FOXL1: variants seen among roughly 807,000 people sequenced by gnomAD.
FOXL1 encodes the protein forkhead box L1, also known as forkhead box protein L1.
In FOXL1, 2 loss-of-function variants were observed where a neutral mutation model predicts 1.7. The ratio of observed to expected loss-of-function variants is 1.21; its 90% CI spans 0.49 to 3.80. FOXL1 has a LOEUF of 3.80. Among genes scored for constraint, FOXL1 ranks in the 30% most tolerant of loss-of-function variants. The pLI is 0.07. For synonymous variants in FOXL1, 280 were observed against 229.3 expected (o/e 1.22, Z -2.00); for missense variants, 565 against 495.8 (o/e 1.14, Z -1.32).
chr16:86,579,656 C>T lies in FOXL1; in HGVS notation c.933C>T (p.Ser311=). Reference sequence around the variant, plus strand: ...GCCTCCGTCCGCCTTTCAACGCTTCCCTGATGCTCGACCCGCATGTCCAGG... The same window carrying T: ...GCCTCCGTCCGCCTTTCAACGCTTCTCTGATGCTCGACCCGCATGTCCAGG... ...SSSLRPPFNA[S]LMLDPHVQGG... Residue 311 remains serine, a synonymous_variant, in exon 1 of 1, where the codon TCC becomes TCT. Coordinates refer to ENST00000320241, the MANE Select transcript of FOXL1 (RefSeq NM_005250.3). 3 of 1,613,860 alleles carry T rather than the reference C, an allele frequency of 1.9e-6. No homozygotes were observed. The highest frequency in any genetic ancestry group is 4.5e-5 in the East Asian group (2 of 44,870).
Position 86,578,777 on chromosome 16 carries a change from G to A in FOXL1, c.54G>A (p.Leu18=), listed in dbSNP as rs759986631. Residue 18 remains leucine (L), a synonymous_variant, in exon 1 of 1, where the codon CTG becomes CTA. Transcript: ENST00000320241. ...CTGCCCTGGCCGCCTCGCCCATGCT[G>A]TATCTGTACGGTCCCGAGAGACCCG... ...RLPALAASPM[L]YLYGPERPGL... 1.9e-6 allele frequency: 3 copies of A among 1,613,116 alleles called. No individual in the cohort carries two copies. In the Admixed American group the frequency reaches 5.0e-5, roughly 27 times the overall value.
Position 86,579,003 on chromosome 16 carries a change from C to T in FOXL1, c.280C>T (p.Gln94Ter). 1 of 1,614,084 alleles carries T rather than the reference C, an allele frequency of 6.2e-7. No homozygotes were observed. Among genetic ancestry groups the T allele is most frequent in the Non-Finnish European group, 8.5e-7 (1 of 1,179,982 alleles). The change falls in exon 1 of 1, where the codon CAG becomes TAG. Residue 94 changes from glutamine (Q) to a stop codon, truncating the protein, a stop_gained. Coordinates refer to ENST00000320241, the MANE Select transcript of FOXL1 (RefSeq NM_005250.3). LOFTEE classifies it low-confidence loss of function (END_TRUNC). ...CTACCACGACAACCGGCAGGGCTGG[C>T]AGAACAGCATCCGCCACAACCTCTC... The part of the protein sequence containing the change: ...PFYHDNRQGW[Q>*]NSIRHNLSLN...
At position 86,579,069 on chromosome 16, in the gene FOXL1, C is replaced by T. The variant is rs777342351; in HGVS notation, c.346C>T (p.Arg116Trp). ...CGTCAAGGTGCCCCGCGAGAAAGGG[C>T]GGCCGGGCAAGGGCAGCTACTGGAC... Reference protein sequence around the residue: ...CFVKVPREKGRPGKGSYWTLD... With the variant: ...CFVKVPREKGWPGKGSYWTLD... Residue 116 changes from arginine (R) to tryptophan (W), a missense_variant, in exon 1 of 1, where the codon CGG becomes TGG. By Grantham distance (101) the Arg-to-Trp change is moderately radical. Transcript: ENST00000320241. 9.3e-6 allele frequency: 15 copies of T among 1,614,022 alleles called. No homozygotes were observed. Among genetic ancestry groups the T allele is most frequent in the Admixed American group, 1.7e-5 (1 of 60,018 alleles).
chr16:86,579,837 G>T lies in FOXL1; in HGVS notation c.*76G>T. The stretch of plus-strand genomic sequence containing the variant: ...GCGAAAGGCCACAGCTCCCACCGGC[G>T]GAGGATTTTAAAATGATCTTTGCCT... On this transcript the variant is annotated 3_prime_UTR_variant, in exon 1 of 1. Transcript: ENST00000320241. The T allele has an allele frequency of 8.1e-6, 11 of 1,352,600 alleles. No individual in the cohort carries two copies. Among genetic ancestry groups the T allele is most frequent in the Non-Finnish European group, 1.1e-5 (11 of 966,778 alleles). The allele number at this position is 1,352,600 out of a possible 1,614,324, so 83.8% of individuals were successfully genotyped here.
In FOXL1 at chr16:86,581,553, T is replaced by C. The variant is rs1312362621; in HGVS notation, c.*1792T>C. 1.8e-5 allele frequency: 3 copies of C among 167,144 alleles called. No individual in the cohort carries two copies. The highest frequency in any genetic ancestry group is 7.2e-5 in the African/African-American group (3 of 41,458). 10.4% of individuals were successfully genotyped at this position (167,144 alleles called of 1,614,324 possible). On this transcript the variant is annotated 3_prime_UTR_variant, in exon 1 of 1. Transcript: ENST00000320241. Reference sequence around the variant, plus strand: ...CTGGGAAACTTCAGGCCAGCCTTGATTGGAAGAACTTCCAGGAGGAGCCAT... The same window carrying C: ...CTGGGAAACTTCAGGCCAGCCTTGACTGGAAGAACTTCCAGGAGGAGCCAT...
Position 86,579,247 on chromosome 16 carries a change from G to A in FOXL1, c.524G>A (p.Gly175Glu). Residue 175 changes from glycine (G) to glutamate (E), a missense_variant, in exon 1 of 1, where the codon GGG becomes GAG. By Grantham distance (98) the Gly-to-Glu change is moderately conservative. Transcript: ENST00000320241. Reference sequence around the variant, plus strand: ...GAGGCGCAGCCGGAGGCGGGGAGCGGGGCAGGGGGCTCGGGCCCCGCAATC... The same window carrying A: ...GAGGCGCAGCCGGAGGCGGGGAGCGAGGCAGGGGGCTCGGGCCCCGCAATC... ...SAEAQPEAGS[G>E]AGGSGPAISR... 2.0e-6 allele frequency: 3 copies of A among 1,467,494 alleles called. No individual in the cohort carries two copies. The highest frequency in any genetic ancestry group is 1.4e-5 in the South Asian group (1 of 71,930). The allele number at this position is 1,467,494 out of a possible 1,614,324, so 90.9% of individuals were successfully genotyped here. A position where few individuals can be genotyped will look rare whatever the true frequency, so the allele number is the denominator to read the frequency against.
chr16:86,579,767 A>G lies in FOXL1; in HGVS notation c.*6A>G, dbSNP rs1019884415. 2 of 1,609,392 alleles carry G rather than the reference A, an allele frequency of 1.2e-6. No homozygotes were observed. Among genetic ancestry groups the G allele is most frequent in the Non-Finnish European group, 1.7e-6 (2 of 1,176,728 alleles). ...CGGTACTCCACTTCCAGTAAAGCAA[A>G]CAATGGCACGGTTCTTCTCCCGGCC... On this transcript the variant is annotated 3_prime_UTR_variant, in exon 1 of 1. Transcript: ENST00000320241.
Position 86,579,206 on chromosome 16 carries a change from G to A in FOXL1, c.483G>A (p.Thr161=). The part of the protein sequence containing the change: ...APEAKRPRAE[T]HQRSAEAQPE... ...AGGCCAAGAGGCCCCGCGCCGAGAC[G>A]CACCAGCGCAGCGCGGAGGCGCAGC... The change falls in exon 1 of 1, where the codon ACG becomes ACA. Residue 161 remains threonine, a synonymous_variant. Transcript: ENST00000320241. The A allele has an allele frequency of 1.9e-6, 3 of 1,578,160 alleles. No homozygotes were observed. Among genetic ancestry groups the A allele is most frequent in the Non-Finnish European group, 1.7e-6 (2 of 1,163,638 alleles).
Position 86,579,735 on chromosome 16 carries a change from C to T in FOXL1, c.1012C>T (p.Pro338Ser). ...PFLSYFPLQV[P>S]DTVLHFQ ...CCTCTCTTATTTCCCCCTGCAGGTT[C>T]CCGACACGGTACTCCACTTCCAGTA... Residue 338 changes from proline to serine, a missense_variant, in exon 1 of 1, where the codon CCC (proline) becomes TCC (serine). By Grantham distance (74) the Pro-to-Ser change is moderately conservative. Coordinates refer to ENST00000320241, the MANE Select transcript of FOXL1 (RefSeq NM_005250.3). The T allele has an allele frequency of 6.2e-7, 1 of 1,613,522 alleles. No individual in the cohort carries two copies. The highest frequency in any genetic ancestry group is 1.1e-5 in the South Asian group (1 of 91,080).
rs760419773 is a variant in FOXL1 at position 86,579,455 on chromosome 16, G to C, written c.732G>C (p.Leu244=). ...CAGGGGACGGCCCGGGGTCCCCTCT[G>C]CGCCCCGCCTCCCGCAGCTCTCCGA... is the stretch of plus-strand genomic sequence containing the variant. ...ARTGDGPGSP[L]RPASRSSPKS... Residue 244 remains leucine (L), a synonymous_variant, in exon 1 of 1, where the codon CTG becomes CTC. Transcript: ENST00000320241. The C allele has an allele frequency of 6.4e-7, 1 of 1,553,762 alleles. No homozygotes were observed. Among genetic ancestry groups the C allele is most frequent in the South Asian group, 1.2e-5 (1 of 84,614 alleles).
In FOXL1 at chr16:86,579,053, G is replaced by T. The variant is rs1027894858; in HGVS notation, c.330G>T (p.Val110=). The change falls in exon 1 of 1, where the codon GTG becomes GTT. Residue 110 remains valine, a synonymous_variant. Transcript: ENST00000320241. ...CGCTCAACGACTGCTTCGTCAAGGT[G>T]CCCCGCGAGAAAGGGCGGCCGGGCA... ...NLSLNDCFVK[V]PREKGRPGKG... 6.2e-7 allele frequency: 1 copy of T among 1,614,104 alleles called. No homozygotes were observed. The highest frequency in any genetic ancestry group is 8.5e-7 in the Non-Finnish European group (1 of 1,179,974).
rs1377560894 is a variant in FOXL1 at position 86,579,135 on chromosome 16, T to C, written c.412T>C (p.Tyr138His). ...CCTGGACATGTTTGAGAACGGCAAC[T>C]ACCGGCGCCGGAAGAGGAAGCCCAA... is the stretch of plus-strand genomic sequence containing the variant. ...RCLDMFENGN[Y>H]RRRKRKPKPG... is the part of the protein sequence containing the mutation. The change falls in exon 1 of 1, where the codon TAC (tyrosine) becomes CAC (histidine). Residue 138 changes from tyrosine to histidine, a missense_variant. Transcript: ENST00000320241. 1 of 1,613,212 alleles carries C rather than the reference T, an allele frequency of 6.2e-7. No individual in the cohort carries two copies. The highest frequency in any genetic ancestry group is 8.5e-7 in the Non-Finnish European group (1 of 1,179,842).
In FOXL1 at chr16:86,582,636, TAC is replaced by T. The variant is rs1268869915; in HGVS notation, c.*2877_*2878del. Among the ~76,000 whole-genome samples the T allele has an allele frequency of 6.6e-6, 1 of 152,118 alleles. No individual in the cohort carries two copies. The highest frequency in any genetic ancestry group is 1.5e-5 in the Non-Finnish European group (1 of 68,028). ...ATGTACACGTTTATATATATGTATA[TAC>T]ATATATATACATGAATGTGTAGGGG... is the stretch of plus-strand genomic sequence containing the variant. On this transcript the variant is annotated 3_prime_UTR_variant, in exon 1 of 1. Coordinates refer to ENST00000320241, the MANE Select transcript of FOXL1 (RefSeq NM_005250.3).
In FOXL1 at chr16:86,583,167, G is replaced by T. The variant is rs1974433160; in HGVS notation, c.*3406G>T. ...GGTCTTCACCATTTCACTCAAAGTG[G>T]TGAGTGTATGCCCGTGTGTATGTTA... On this transcript the variant is annotated 3_prime_UTR_variant, in exon 1 of 1. Coordinates refer to ENST00000320241, the MANE Select transcript of FOXL1 (RefSeq NM_005250.3). 1.3e-5 allele frequency among the ~76,000 whole-genome samples: 2 copies of T among 151,698 alleles called. No homozygotes were observed. Among genetic ancestry groups the T allele is most frequent in the Admixed American group, 6.6e-5 (1 of 15,218 alleles).
At position 86,582,603 on chromosome 16, in the gene FOXL1, G is replaced by A. The variant is rs757734458; in HGVS notation, c.*2842G>A. ...AGGCACATGTTTGATAACAAAGTGTGTATACATATGTACACGTTTATATAT... is the reference window on the plus strand; with the variant it reads ...AGGCACATGTTTGATAACAAAGTGTATATACATATGTACACGTTTATATAT... On this transcript the variant is annotated 3_prime_UTR_variant, in exon 1 of 1. Transcript: ENST00000320241. Among the ~76,000 whole-genome samples, 4 of 151,988 alleles carry A rather than the reference G, an allele frequency of 2.6e-5. No individual in the cohort carries two copies. Among genetic ancestry groups the A allele is most frequent in the Non-Finnish European group, 4.4e-5 (3 of 68,008 alleles).
chr16:86,579,482 G>A lies in FOXL1; in HGVS notation c.759G>A (p.Lys253=). The A allele has an allele frequency of 6.4e-7, 1 of 1,573,794 alleles. No individual in the cohort carries two copies. Among genetic ancestry groups the A allele is most frequent in the Non-Finnish European group, 8.6e-7 (1 of 1,159,806 alleles). ...GCCCCGCCTCCCGCAGCTCTCCGAA[G>A]AGCTCCGACAAGTCCAAGAGCTTCA... is the stretch of plus-strand genomic sequence containing the variant. ...PLRPASRSSP[K]SSDKSKSFSI... The change falls in exon 1 of 1, where the codon AAG becomes AAA. Residue 253 remains lysine, a synonymous_variant. Transcript: ENST00000320241.
Position 86,579,575 on chromosome 16 carries a change from T to C in FOXL1, c.852T>C (p.Gly284=). Residue 284 remains glycine, a synonymous_variant, in exon 1 of 1, where the codon GGT becomes GGC. Coordinates refer to ENST00000320241, the MANE Select transcript of FOXL1 (RefSeq NM_005250.3). The part of the protein sequence containing the change: ...KPPSGDELLG[G]AKPGPGGRLG... ...CTTCAGGGGACGAACTCCTAGGGGG[T>C]GCCAAGCCTGGGCCCGGCGGCCGTC... is the stretch of plus-strand genomic sequence containing the variant. 1 of 1,612,740 alleles carries C rather than the reference T, an allele frequency of 6.2e-7. No individual in the cohort carries two copies. Among genetic ancestry groups the C allele is most frequent in the Non-Finnish European group, 8.5e-7 (1 of 1,179,710 alleles).
Position 86,580,551 on chromosome 16 carries a change from C to G in FOXL1, c.*790C>G, listed in dbSNP as rs1282922259. The G allele has an allele frequency of 6.0e-6, 1 of 166,706 alleles. No homozygotes were observed. Among genetic ancestry groups the G allele is most frequent in the Non-Finnish European group, 1.5e-5 (1 of 68,118 alleles). 10.3% of individuals were successfully genotyped at this position (166,706 alleles called of 1,614,324 possible). ...ACAATTTTTATTAAGAAAGTGCACT[C>G]TATATAACATCTTCTTGCATTACGA... On this transcript the variant is annotated 3_prime_UTR_variant, in exon 1 of 1. Transcript: ENST00000320241.
rs751122912 is a variant in FOXL1, at chr16:86,579,141, C to T, written c.418C>T (p.Arg140Cys). The stretch of plus-strand genomic sequence containing the variant: ...CATGTTTGAGAACGGCAACTACCGG[C>T]GCCGGAAGAGGAAGCCCAAGCCGGG... ...LDMFENGNYR[R>C]RKRKPKPGPG... The change falls in exon 1 of 1, where the codon CGC becomes TGC. Residue 140 changes from arginine (R) to cysteine (C), a missense_variant. Arg to Cys is a radical substitution (Grantham distance 180). Coordinates refer to ENST00000320241, the MANE Select transcript of FOXL1 (RefSeq NM_005250.3). 6.2e-7 allele frequency: 1 copy of T among 1,613,258 alleles called. No homozygotes were observed. The highest frequency in any genetic ancestry group is 1.1e-5 in the South Asian group (1 of 91,068).
Sources: allele counts gnomAD v4.1 joint callset (sites outside exome capture counted in the v4.1 genomes callset), GRCh38; gene constraint gnomAD v4.1.1; transcripts MANE v1.5; gene names NCBI Gene and HGNC (gene_info 2026-07-23, HGNC 2026-07-21).